Variants in COBLL1 observed in about 807,000 individuals in gnomAD.
COBLL1 encodes the protein cordon-bleu protein-like 1.
Under a neutral mutation model 94.8 loss-of-function variants are expected in COBLL1, and 50 were observed. The observed-to-expected ratio is 0.53, with a 90% CI of 0.42 to 0.67. The LOEUF is 0.67. Ranked by LOEUF, COBLL1 falls within the 30% of genes least tolerant of loss-of-function variation. The pLI is 0.00. For synonymous variants in COBLL1, 448 were observed against 473.8 expected, an observed-to-expected ratio of 0.95 and a Z score of 0.71; for missense variants, 1,362 against 1,348.7, an observed-to-expected ratio of 1.01 and a Z score of -0.15.
At chr2:164,713,163 T>C (rs1019947339) in intron 7 of COBLL1, among the ~76,000 whole-genome samples, 4 of 152,206 alleles carry the variant, frequency 2.6e-5, no homozygotes, top group African/African-American at 9.6e-5. Flanking sequence ...TTATGCATTC[T>C]ATTTTCTTAT....
intron 9 of COBLL1, among the ~76,000 whole-genome samples, 155 bp from the exon 10 acceptor site, chr2:164,700,911 G>A (rs1684219064): frequency 6.6e-6 from 1 of 152,112 alleles, no homozygotes; most frequent in Admixed American, 6.5e-5. Flanking sequence ...CTGGTGAGCA[G>A]TCACGTTAAC....
chr2:164,779,923 G>A (rs757290627), intron 2 of COBLL1: 1 of 243,714 alleles, frequency 4.1e-6, no homozygotes, highest in Non-Finnish European at 8.9e-6. Flanking sequence ...TGCACTCAGG[G>A]CCAAGATGAG....
At chr2:164,664,406 C>T (rs1289376218) in intron 2 of COBLL1, among the ~76,000 whole-genome samples, 2 of 152,118 alleles carry the variant, frequency 1.3e-5, no homozygotes, top group African/African-American at 2.4e-5. Context: ...TTTGAGACTT[C>T]ATGACAAAAT....
At chr2:164,798,468 T>G (rs1368219341) in intron 2 of COBLL1, among the ~76,000 whole-genome samples, 1 of 152,172 alleles carries the variant, frequency 6.6e-6, no homozygotes, top group Non-Finnish European at 1.5e-5. Flanking sequence ...CATACTCAAT[T>G]ACAACTATTC....
chr2:164,694,081 T>TCA (rs1189594306), intron 12 of COBLL1, among the ~76,000 whole-genome samples, 188 bp downstream of exon 12: 1 of 152,112 alleles, frequency 6.6e-6, no homozygotes, highest in Non-Finnish European at 1.5e-5. Context: ...CCTAAACAAG[T>TCA]TATATAAGTT....
At chr2:164,665,742 G>A (rs1021912243) in intron 2 of COBLL1, 3 of 152,178 alleles carry the variant, frequency 2.0e-5, no homozygotes, top group African/African-American at 7.2e-5. Context: ...AAGGGAGGAA[G>A]AGTATGTGGG....
At chr2:164,788,219 A>C (rs1029987403) in intron 2 of COBLL1, among the ~76,000 whole-genome samples, 1 of 152,184 alleles carries the variant, frequency 6.6e-6, no homozygotes, top group Non-Finnish European at 1.5e-5. Context: ...TGCTTTGGCC[A>C]CTCGGTTAAA....
chr2:164,681,921 A>C lies in COBLL1; in HGVS notation c.*4025T>G, dbSNP rs1683060764. 1 of 152,236 alleles carries C rather than the reference A, an allele frequency of 6.6e-6. No individual in the cohort carries two copies. The allele number at this position is 152,236 out of a possible 1,614,324, so 9.4% of individuals were successfully genotyped here. A position where few individuals can be genotyped will look rare whatever the true frequency, so the allele number is the denominator to read the frequency against. The stretch of plus-strand genomic sequence containing the variant: ...TCCTTGTTGTAAACACAATGTATCT[A>C]TATGAACAGTCTAACATATTAAGGA... On this transcript the variant is annotated 3_prime_UTR_variant, in exon 14 of 14. Coordinates refer to ENST00000652658, the MANE Select transcript of COBLL1 (RefSeq NM_001365672.2).
At chr2:164,761,613 C>T (rs1052157061) in intron 2 of COBLL1, among the ~76,000 whole-genome samples, 6 of 152,090 alleles carry the variant, frequency 3.9e-5, no homozygotes, top group African/African-American at 1.2e-4. Context: ...TTTAAAATGT[C>T]TATTATAGGC....
At chr2:164,809,464 T>C (rs1239250691) in intron 2 of COBLL1, among the ~76,000 whole-genome samples, 3 of 151,950 alleles carry the variant, frequency 2.0e-5, no homozygotes, top group African/African-American at 7.2e-5. Context: ...TATTTGGGGG[T>C]CTAAAATTCT....
Position 164,715,048 on chromosome 2 carries a change from TG to T in COBLL1, c.996+7026del, listed in dbSNP as rs531393143. Among the ~76,000 whole-genome samples, 167 of 152,326 alleles carry T rather than the reference TG, an allele frequency of 1.1e-3. 1 individual carries two copies. The highest frequency in any genetic ancestry group is 3.4e-3 in the African/African-American group (142 of 41,582). ...CCTAAAATGTAATGGCCCAGAGGGTTGTCATAAGGATTAAATAAGTAATGTT... is the reference window on the plus strand; with the variant it reads ...CCTAAAATGTAATGGCCCAGAGGGTTTCATAAGGATTAAATAAGTAATGTT... On this transcript the variant is annotated intron_variant, in intron 7 of 13. Coordinates refer to ENST00000652658, the MANE Select transcript of COBLL1 (RefSeq NM_001365672.2).
intron 2 of COBLL1, among the ~76,000 whole-genome samples, chr2:164,781,273 C>CA (rs1312558341): frequency 6.6e-6 from 1 of 152,046 alleles, no homozygotes; most frequent in Non-Finnish European, 1.5e-5. Context: ...ATCCATATGA[C>CA]AAAAATAGCA....
At position 164,777,196 on chromosome 2, in the gene COBLL1, T is replaced by C. The variant is rs959011327; in HGVS notation, c.42-33321A>G. 9.6e-4 allele frequency among the ~76,000 whole-genome samples: 146 copies of C among 152,092 alleles called. 1 individual carries two copies. Among genetic ancestry groups the C allele is most frequent in the African/African-American group, 3.5e-3 (145 of 41,408 alleles). Reference sequence around the variant, plus strand: ...AATTGTAGCTTGATTTTTTTTTTATTTTTCAAAATCTCTTTTCAGTTCTGT... The same window carrying C: ...AATTGTAGCTTGATTTTTTTTTTATCTTTCAAAATCTCTTTTCAGTTCTGT... On this transcript the variant is annotated intron_variant, in intron 2 of 13. Transcript: ENST00000652658.
At position 164,684,664 on chromosome 2, in the gene COBLL1, A is replaced by C. The variant is rs1321953554; in HGVS notation, c.*1282T>G. ...TCCCTGATAAATGGTAAATCTTACA[A>C]ATTTCTTGTTTGTTCACTGGCTAAT... On this transcript the variant is annotated 3_prime_UTR_variant, in exon 14 of 14. Coordinates refer to ENST00000652658, the MANE Select transcript of COBLL1 (RefSeq NM_001365672.2). The C allele has an allele frequency of 6.6e-6, 1 of 152,262 alleles. No homozygotes were observed. The highest frequency in any genetic ancestry group is 1.9e-4 in the East Asian group (1 of 5,176). The allele number at this position is 152,262 out of a possible 1,614,324, so 9.4% of individuals were successfully genotyped here.
chr2:164,658,972 C>T lies in COBLL1; in HGVS notation n.182-5058G>A, dbSNP rs912652154. Among the ~76,000 whole-genome samples, 10 of 152,072 alleles carry T rather than the reference C, an allele frequency of 6.6e-5. No homozygotes were observed. The East Asian group carries it at 1.9e-3, about 29-fold the overall frequency. ...TCCCTTTCCCTTCCTTTCTGATGAC[C>T]CCAGCAGTGTAAGACTGCCACCTCT... On this transcript the variant is annotated intron_variant and non_coding_transcript_variant, in intron 2 of 2. Coordinates refer to the COBLL1 transcript ENST00000495084.
intron 2 of COBLL1, among the ~76,000 whole-genome samples, chr2:164,796,726 A>AAC (rs374535467): frequency 8.2e-5 from 9 of 109,462 alleles, no homozygotes; most frequent in Admixed American, 6.9e-4. Context: ...AAAAAAAAAA[A>AAC]GGAGAGGGAA....
At chr2:164,771,655 A>G (rs1474173532) in intron 2 of COBLL1, among the ~76,000 whole-genome samples, 1 of 152,064 alleles carries the variant, frequency 6.6e-6, no homozygotes, top group Non-Finnish European at 1.5e-5. Flanking sequence ...AGATGGAGAC[A>G]GGTTTAGAAA....
intron 2 of COBLL1, among the ~76,000 whole-genome samples, chr2:164,662,656 G>A (rs952262930): frequency 6.6e-6 from 1 of 152,086 alleles, no homozygotes; most frequent in African/African-American, 2.4e-5. Flanking sequence ...CTCATTAACG[G>A]TTTACCATTA....
intron 2 of COBLL1, among the ~76,000 whole-genome samples, chr2:164,839,068 G>A (rs771959590): frequency 3.3e-5 from 5 of 152,304 alleles, no homozygotes; most frequent in Middle Eastern, 3.4e-3. Flanking sequence ...ATGAAGTAGA[G>A]AGGTAATTTT....
Sources: allele counts gnomAD v4.1 joint callset (sites outside exome capture counted in the v4.1 genomes callset), GRCh38; gene constraint gnomAD v4.1.1; transcripts MANE v1.5; gene names NCBI Gene and HGNC (gene_info 2026-07-23, HGNC 2026-07-21).